The following RNF103 variants were observed in gnomAD, a reference collection of about 807,000 sequenced individuals.
The protein encoded by RNF103 is ring finger protein 103, also known as E3 ubiquitin-protein ligase RNF103.
RNF103 carries 23 observed loss-of-function variants against 66.2 expected under a neutral mutation model. The observed-to-expected ratio is 0.35, with a 90% CI of 0.25 to 0.49. RNF103 has a LOEUF of 0.49. Among genes scored for constraint, RNF103 ranks in the 20% least tolerant of loss-of-function variants. RNF103 has a pLI of 0.98. For missense variants in RNF103, 730 were observed against 814.7 expected, an observed-to-expected ratio of 0.90 and a Z score of 1.27; for synonymous variants, 297 against 289.9, an observed-to-expected ratio of 1.02 and a Z score of -0.25.
chr2:86,619,947 T>A (rs753264231), intron 2 of RNF103, among the ~76,000 whole-genome samples: 1 of 152,116 alleles, frequency 6.6e-6, no homozygotes, highest in African/African-American at 2.4e-5. Flanking sequence ...TACTTATATA[T>A]AAAAATTACT....
At chr2:86,621,581 A>G (rs182573965) in intron 1 of RNF103, among the ~76,000 whole-genome samples, 27 of 152,316 alleles carry the variant, frequency 1.8e-4, no homozygotes, top group Admixed American at 3.9e-4. Context: ...TAATAGTGAG[A>G]TATGAGTTTT....
chr2:86,605,205 C>T lies in RNF103; in HGVS notation c.696G>A (p.Gln232=). 3.1e-6 allele frequency: 5 copies of T among 1,613,960 alleles called. No homozygotes were observed. The highest frequency in any genetic ancestry group is 4.2e-6 in the Non-Finnish European group (5 of 1,180,032). Residue 232 remains glutamine, a synonymous_variant, in exon 4 of 4, where the codon CAG becomes CAA. Transcript: ENST00000237455. ...CAAATAGGTATATTTTTAACCAATA[C>T]TGATCACTTTTATTCCATTCTTCTT... is the stretch of plus-strand genomic sequence containing the variant. The part of the protein sequence containing the change: ...HLKEEWNKSD[Q]YWLKIYLFAN...
At chr2:86,617,259 A>C in intron 2 of RNF103, 1 of 985,442 alleles carries the variant, frequency 1.0e-6, no homozygotes, top group Non-Finnish European at 1.2e-6. Flanking sequence ...TTCATTTATG[A>C]AAACACTCCT....
At chr2:86,605,451 G>A (rs1678510767) in intron 3 of RNF103, 33 bp from the exon 4 acceptor site, 6 of 1,546,470 alleles carry the variant, frequency 3.9e-6, no homozygotes, top group Admixed American at 2.1e-5. Context: ...TAAACAGCTA[G>A]GCTGTAATGC....
intron 1 of RNF103, 150 bp from the exon 2 acceptor site, chr2:86,620,619 C>G (rs1235067308): frequency 1.9e-6 from 2 of 1,072,954 alleles, no homozygotes; most frequent in South Asian, 6.2e-5. Flanking sequence ...CCTGGATATA[C>G]CCACTTAGGA....
rs1050122465 is a variant in RNF103, at chr2:86,609,798, CCAGAGAAGGGACTACAGT to C, written c.482+2343_482+2360del. 2.0e-5 allele frequency among the ~76,000 whole-genome samples: 3 copies of C among 152,202 alleles called. No individual in the cohort carries two copies. In the East Asian group the frequency reaches 5.8e-4, roughly 29 times the overall value. On this transcript the variant is annotated intron_variant, in intron 3 of 3. Transcript: ENST00000237455. ...TGAAGTCAGCTGCCCAGAGGCCACC[CCAGAGAAGGGACTACAGT>C]CAAAGAATGCAGCATAGACAGTGGG...
intron 3 of RNF103, among the ~76,000 whole-genome samples, chr2:86,608,842 T>C (rs62147239): frequency 0.41 from 61,652 of 152,038 alleles, 14,637 homozygotes; most frequent in East Asian, 0.75. Flanking sequence ...CTGAAATCGA[T>C]CTGCTGGTTA....
At position 86,623,375 on chromosome 2, in the gene RNF103, G is replaced by A. The variant is rs1423518647; in HGVS notation, c.-489C>T. ...GCAGGCCGGGGCCCGAGGGGCCGTG[G>A]GGGCCGGACTCCCGCGGCCGCGGGT... On this transcript the variant is annotated 5_prime_UTR_variant, in exon 1 of 4. Coordinates refer to ENST00000237455, the MANE Select transcript of RNF103 (RefSeq NM_005667.4). 8 of 980,294 alleles carry A rather than the reference G, an allele frequency of 8.2e-6. No individual in the cohort carries two copies. The highest frequency in any genetic ancestry group is 9.7e-6 in the Non-Finnish European group (8 of 826,598). 60.7% of individuals were successfully genotyped at this position (980,294 alleles called of 1,614,324 possible). A position where few individuals can be genotyped will look rare whatever the true frequency, so the allele number is the denominator to read the frequency against.
At chr2:86,612,586 G>C (rs1678842465) in intron 2 of RNF103, 1 of 187,546 alleles carries the variant, frequency 5.3e-6, no homozygotes, top group African/African-American at 2.3e-5. Flanking sequence ...CTCTAATTAA[G>C]TTACACAGGA....
At chr2:86,615,537 T>TATATATATATATATATATAA (rs1553415795) in intron 2 of RNF103, among the ~76,000 whole-genome samples, 1 of 145,838 alleles carries the variant, frequency 6.9e-6, no homozygotes, top group Non-Finnish European at 1.5e-5. Flanking sequence ...TATATATATA[T>TATATATATATATATATATAA]AATATATATA....
rs1279649332 is a variant in RNF103 at position 86,620,482 on chromosome 2, AAAG to A, written c.227-16_227-14del. On this transcript the variant is annotated splice_polypyrimidine_tract_variant and intron_variant, in intron 1 of 3. Coordinates refer to ENST00000237455, the MANE Select transcript of RNF103 (RefSeq NM_005667.4). ...TCCATCAAGTCACCTGAAGAAAGGAAAAGAATAACACTAATAAGGTTGCAAGAA... is the reference window on the plus strand; with the variant it reads ...TCCATCAAGTCACCTGAAGAAAGGAAAATAACACTAATAAGGTTGCAAGAA... The A allele has an allele frequency of 1.9e-6, 3 of 1,562,976 alleles. No individual in the cohort carries two copies. In the Middle Eastern group the frequency reaches 5.1e-4, roughly 265 times the overall value.
intron 2 of RNF103, chr2:86,616,657 A>G (rs1679036838): frequency 3.0e-6 from 3 of 985,286 alleles, no homozygotes; most frequent in Middle Eastern, 1.0e-3. Context: ...ATATTGATGT[A>G]ATACTTCAGT....
Position 86,603,972 on chromosome 2 carries a change from A to T in RNF103, c.1929T>A (p.Phe643Leu), listed in dbSNP as rs1284377669. 6.2e-7 allele frequency: 1 copy of T among 1,614,158 alleles called. No homozygotes were observed. Among genetic ancestry groups the T allele is most frequent in the South Asian group, 1.1e-5 (1 of 91,088 alleles). The part of the protein sequence containing the change: ...LLMGLPCGHV[F>L]HQNCIVMWLA... ...ACCACATCACAATGCAATTCTGATGAAACACATGACCACAAGGCAACCCCA... is the reference window on the plus strand; with the variant it reads ...ACCACATCACAATGCAATTCTGATGTAACACATGACCACAAGGCAACCCCA... The change falls in exon 4 of 4, where the codon TTT (phenylalanine) becomes TTA (leucine). Residue 643 changes from phenylalanine (F) to leucine (L), a missense_variant. Phe to Leu is a conservative substitution (Grantham distance 22, BLOSUM62 0). This residue lies in a region of RNF103 where 355 missense variants were observed against 351.9 expected (regional missense o/e 1.01). Coordinates refer to ENST00000237455, the MANE Select transcript of RNF103 (RefSeq NM_005667.4).
At chr2:86,609,930 A>G (rs1338430182) in intron 3 of RNF103, among the ~76,000 whole-genome samples, 1 of 152,172 alleles carries the variant, frequency 6.6e-6, no homozygotes, top group Non-Finnish European at 1.5e-5. Context: ...CCTGAATAAC[A>G]CTATTCTCTG....
chr2:86,618,844 A>G (rs990527359), intron 2 of RNF103: 1 of 152,230 alleles, frequency 6.6e-6, no homozygotes, highest in Non-Finnish European at 1.5e-5. Flanking sequence ...TTATACATTA[A>G]AGCTTTAAAA....
Position 86,620,388 on chromosome 2 carries a change from C to T in RNF103, c.308G>A (p.Gly103Asp), listed in dbSNP as rs1288379214. 4 of 1,608,382 alleles carry T rather than the reference C, an allele frequency of 2.5e-6. No homozygotes were observed. The highest frequency in any genetic ancestry group is 8.5e-7 in the Non-Finnish European group (1 of 1,175,810). The change falls in exon 2 of 4, where the codon GGT (glycine) becomes GAT (aspartate). Residue 103 changes from glycine to aspartate, a missense_variant. Transcript: ENST00000237455. The part of the protein sequence containing the change: ...SESVSSTNFS[G>D]EMHFYELVED... ...CACAAGCTCATAGAAGTGCATTTCACCACTGAAATTGGTACTAGAAACCGA... is the reference window on the plus strand; with the variant it reads ...CACAAGCTCATAGAAGTGCATTTCATCACTGAAATTGGTACTAGAAACCGA...
chr2:86,613,518 T>C (rs1461812732), intron 2 of RNF103: 1 of 152,218 alleles, frequency 6.6e-6, no homozygotes, highest in African/African-American at 2.4e-5. Context: ...ATGTTATATT[T>C]CTGATACTAT....
In RNF103 at chr2:86,620,330, C is replaced by T. The variant is rs373719573; in HGVS notation, c.366G>A (p.Gln122=). ...EDTKDGIWLV[Q]VIANDRSPLV... Reference sequence around the variant, plus strand: ...ATCAAATTATTACTGCTTTTCATACCTGAACCAGCCAGATGCCATCTTTTG... The same window carrying T: ...ATCAAATTATTACTGCTTTTCATACTTGAACCAGCCAGATGCCATCTTTTG... The change falls in exon 2 of 4, where the codon CAG becomes CAA. Residue 122 remains glutamine (Q), a splice_region_variant and synonymous_variant. Coordinates refer to ENST00000237455, the MANE Select transcript of RNF103 (RefSeq NM_005667.4). 4 of 1,594,232 alleles carry T rather than the reference C, an allele frequency of 2.5e-6. No homozygotes were observed. The highest frequency in any genetic ancestry group is 3.4e-6 in the Non-Finnish European group (4 of 1,167,094).
chr2:86,617,415 C>T lies in RNF103; in HGVS notation c.366+2915G>A, dbSNP rs1679063358. 4 of 564,866 alleles carry T rather than the reference C, an allele frequency of 7.1e-6. No individual in the cohort carries two copies. In the South Asian group the frequency reaches 3.1e-4, roughly 44 times the overall value. 35.0% of individuals were successfully genotyped at this position (564,866 alleles called of 1,614,324 possible). On this transcript the variant is annotated intron_variant, in intron 2 of 3. Coordinates refer to ENST00000237455, the MANE Select transcript of RNF103 (RefSeq NM_005667.4). ...ATTAGATATTCGGAGAGAGAGACAC[C>T]ACATTTACATAAATGTTATTTCAGT...
Sources: gnomAD v4.1 joint callset for allele counts (sites outside exome capture counted in the v4.1 genomes callset) on GRCh38, gnomAD v4.1.1 for gene constraint, gnomAD v4.1.1 regional missense constraint, MANE v1.5 for transcripts, NCBI Gene and HGNC (gene_info 2026-07-23, HGNC 2026-07-21) for gene names.